TTLL9: variants seen among roughly 807,000 people sequenced by gnomAD.
TTLL9 encodes tubulin tyrosine ligase like 9.
Under a neutral mutation model 65.6 loss-of-function variants are expected in TTLL9, and 47 were observed. The ratio of observed to expected loss-of-function variants is 0.72; its 90% confidence interval spans 0.57 to 0.91. The LOEUF (loss-of-function observed/expected upper bound fraction) is 0.91. Ranked by LOEUF, TTLL9 falls within the 40% of genes least tolerant of loss-of-function variation. The pLI is 0.00. For missense variants in TTLL9, 537 were observed against 568.8 expected (o/e 0.94, Z 0.57); for synonymous variants, 179 against 204.8 (o/e 0.87, Z 1.07).
intron 9 of TTLL9, among the ~76,000 whole-genome samples, chr20:31,925,675 G>T (rs2063889772): frequency 6.6e-6 from 1 of 152,108 alleles, no homozygotes; most frequent in Non-Finnish European, 1.5e-5. Flanking sequence ...ATTTCCTTCT[G>T]TATCCCCCTC....
chr20:31,933,983 C>A, intron 11 of TTLL9, 125 bp downstream of exon 11: 1 of 950,662 alleles, frequency 1.1e-6, no homozygotes, highest in Non-Finnish European at 1.5e-6. Context: ...GTGAGGCAGG[C>A]CTACCCATCC....
chr20:31,873,682 G>C (rs550227209), intron 2 of TTLL9, among the ~76,000 whole-genome samples: 128 of 87,386 alleles, frequency 1.5e-3, no homozygotes, highest in South Asian at 0.013. Flanking sequence ...GAAAGAGAGA[G>C]AGAGAAAGAA....
At chr20:31,882,590 G>A (rs1195335979) in intron 2 of TTLL9, among the ~76,000 whole-genome samples, 6 of 151,922 alleles carry the variant, frequency 3.9e-5, no homozygotes, top group Non-Finnish European at 8.8e-5. Context: ...AAGCAACTAA[G>A]CCACTTTTGA....
At chr20:31,879,740 T>A in intron 2 of TTLL9, 1 of 1,412,752 alleles carries the variant, frequency 7.1e-7, no homozygotes, top group South Asian at 1.3e-5. Context: ...GACCAGAGCC[T>A]GCGCACTCCG....
At chr20:31,928,451 A>G (rs1254216100) in intron 10 of TTLL9, among the ~76,000 whole-genome samples, 1 of 151,766 alleles carries the variant, frequency 6.6e-6, no homozygotes, top group East Asian at 1.9e-4. Context: ...AACTTTTAAA[A>G]TAATTTTGGA....
At chr20:31,936,552 C>T (rs1032894416) in intron 12 of TTLL9, among the ~76,000 whole-genome samples, 2 of 152,064 alleles carry the variant, frequency 1.3e-5, no homozygotes, top group African/African-American at 4.8e-5. Flanking sequence ...TCCCACAGGG[C>T]GGCACTCTCC....
At chr20:31,889,736 T>A (rs200486734) in intron 3 of TTLL9, among the ~76,000 whole-genome samples, 15 of 36,572 alleles carry the variant, frequency 4.1e-4, no homozygotes, top group African/African-American at 1.8e-3. Flanking sequence ...ATTTTTTTAA[T>A]TTTTTTTTTT....
chr20:31,921,396 A>G (rs1274278624), intron 7 of TTLL9, among the ~76,000 whole-genome samples: 1 of 152,250 alleles, frequency 6.6e-6, no homozygotes, highest in Non-Finnish European at 1.5e-5. Flanking sequence ...TAGTTCAACC[A>G]GTGTGGAAGA....
At chr20:31,888,815 A>T (rs555893945) in intron 3 of TTLL9, among the ~76,000 whole-genome samples, 15 of 152,056 alleles carry the variant, frequency 9.9e-5, no homozygotes, top group Non-Finnish European at 2.9e-5. Flanking sequence ...AACAAGGGAG[A>T]GGTCCCAGGC....
chr20:31,887,240 G>T lies in TTLL9; in HGVS notation c.113+1G>T. On this transcript the variant is annotated splice_donor_variant, in intron 3 of 14. Coordinates refer to ENST00000535842, the MANE Select transcript of TTLL9 (RefSeq NM_001008409.5). LOFTEE classifies it high-confidence loss of function. Reference sequence around the variant, plus strand: ...ATGGATTGTCAAAGGGAAAAGAGCGGTGAGTGGTCCCATCCAATCCAACAA... The same window carrying T: ...ATGGATTGTCAAAGGGAAAAGAGCGTTGAGTGGTCCCATCCAATCCAACAA... 1 of 1,614,120 alleles carries T rather than the reference G, an allele frequency of 6.2e-7. No homozygotes were observed. Among genetic ancestry groups the T allele is most frequent in the Non-Finnish European group, 8.5e-7 (1 of 1,180,004 alleles).
intron 2 of TTLL9, among the ~76,000 whole-genome samples, chr20:31,882,093 A>G (rs903215608): frequency 1.1e-4 from 16 of 152,210 alleles, no homozygotes; most frequent in African/African-American, 3.4e-4. Flanking sequence ...GTCAGCCTTA[A>G]GAGAACATGC....
intron 9 of TTLL9, 128 bp downstream of exon 9, chr20:31,925,177 C>T (rs2063879628): frequency 3.1e-6 from 3 of 963,970 alleles, no homozygotes; most frequent in Non-Finnish European, 3.1e-6. Flanking sequence ...CTGGGAGATC[C>T]CCGAGGGACA....
At position 31,890,089 on chromosome 20, in the gene TTLL9, T is replaced by TCCC. The variant is rs1568752882; in HGVS notation, c.113+2850_113+2851insCCC. Among the ~76,000 whole-genome samples the TCCC allele has an allele frequency of 1.8e-3, 227 of 125,650 alleles. 3 individuals carry two copies. Among genetic ancestry groups the TCCC allele is most frequent in the African/African-American group, 7.4e-3 (216 of 29,340 alleles). The allele number at this position is 125,650 out of a possible 152,430, so 82.4% of individuals were successfully genotyped here. ...CTTTCTTGCTTTCTTGCTTTCTTGC[T>TCCC]TTCTTTCCCTCCCTTCCTTCCTTCC... On this transcript the variant is annotated intron_variant, in intron 3 of 14. Transcript: ENST00000535842.
intron 7 of TTLL9, among the ~76,000 whole-genome samples, chr20:31,921,318 AAAC>A (rs2063812960): frequency 2.0e-5 from 3 of 152,194 alleles, no homozygotes; most frequent in Admixed American, 6.5e-5. Flanking sequence ...AAAAGTCAGG[AAAC>A]AACAGGTGCT....
intron 4 of TTLL9, among the ~76,000 whole-genome samples, chr20:31,900,511 T>G (rs1455982274): frequency 2.0e-5 from 3 of 152,210 alleles, no homozygotes; most frequent in African/African-American, 7.2e-5. Context: ...AAGGCTTTAC[T>G]AAATCATCCC....
intron 9 of TTLL9, 85 bp downstream of exon 9, chr20:31,925,134 A>C: frequency 7.2e-7 from 1 of 1,387,204 alleles, no homozygotes; most frequent in Non-Finnish European, 1.0e-6. Context: ...GCCTGGGGGT[A>C]CCTTGTGTGA....
intron 4 of TTLL9, among the ~76,000 whole-genome samples, chr20:31,902,689 G>A (rs1027746426): frequency 6.6e-6 from 1 of 152,046 alleles, no homozygotes; most frequent in African/African-American, 2.4e-5. Context: ...TTCACTTTTT[G>A]TTGGTGTATA....
At chr20:31,939,332 G>A (rs977752207) in intron 14 of TTLL9, 66 bp downstream of exon 14, 5 of 1,578,356 alleles carry the variant, frequency 3.2e-6, no homozygotes, top group African/African-American at 2.8e-5. Context: ...GGTAGTCTAG[G>A]AGGCAGCTTG....
chr20:31,903,181 A>G (rs897894764), intron 4 of TTLL9, among the ~76,000 whole-genome samples: 5 of 152,028 alleles, frequency 3.3e-5, no homozygotes, highest in African/African-American at 1.2e-4. Flanking sequence ...CACATTTATT[A>G]TGGCCATCCT....
Sources: gnomAD v4.1 joint callset for allele counts (sites outside exome capture counted in the v4.1 genomes callset) on GRCh38, gnomAD v4.1.1 for gene constraint, MANE v1.5 for transcripts, NCBI Gene and HGNC (gene_info 2026-07-23, HGNC 2026-07-21) for gene names.